GPC6: variants seen among roughly 807,000 people sequenced by gnomAD.
GPC6 encodes glypican-6.
GPC6 carries 14 observed loss-of-function variants against 55.2 expected under a neutral mutation model. That is an observed-to-expected ratio of 0.25 (90% CI 0.17 to 0.40). The LOEUF is 0.40. GPC6 is among the 10% of genes least tolerant of loss of function. The probability of loss-of-function intolerance (pLI) is 1.00; values close to 1 mark genes in which losing one functional copy is unlikely to be tolerated. For missense variants in GPC6, 641 were observed against 708.5 expected, an observed-to-expected ratio of 0.90 and a Z score of 1.08; for synonymous variants, 278 against 259.6, an observed-to-expected ratio of 1.07 and a Z score of -0.68.
At chr13:93,437,893 G>A (rs1467937556) in intron 1 of GPC6, among the ~76,000 whole-genome samples, 1 of 152,122 alleles carries the variant, frequency 6.6e-6, no homozygotes, top group Non-Finnish European at 1.5e-5. Flanking sequence ...TGGCTTCAAA[G>A]CTTCAAAGGA....
chr13:93,508,734 T>A (rs1880828021), intron 1 of GPC6, among the ~76,000 whole-genome samples: 1 of 152,158 alleles, frequency 6.6e-6, no homozygotes, highest in South Asian at 2.1e-4. Flanking sequence ...TAGGCATCAG[T>A]ACAGTCGGAG....
intron 6 of GPC6, among the ~76,000 whole-genome samples, chr13:94,328,737 G>A (rs1253209273): frequency 1.3e-5 from 2 of 152,214 alleles, no homozygotes; most frequent in Non-Finnish European, 2.9e-5. Context: ...AGGAAAGGGG[G>A]CTCATTCCAG....
At chr13:93,668,462 GA>G (rs1295852961) in intron 2 of GPC6, among the ~76,000 whole-genome samples, 1 of 152,184 alleles carries the variant, frequency 6.6e-6, no homozygotes, top group African/African-American at 2.4e-5. Context: ...AGGAACCTAT[GA>G]ATACGACCTT....
chr13:93,684,875 A>T (rs1196566411), intron 2 of GPC6, among the ~76,000 whole-genome samples: 1 of 152,220 alleles, frequency 6.6e-6, no homozygotes, highest in African/African-American at 2.4e-5. Context: ...ATTTATCTGC[A>T]TGTAGGACAA....
At chr13:93,960,056 C>T (rs1879697207) in intron 3 of GPC6, among the ~76,000 whole-genome samples, 1 of 152,212 alleles carries the variant, frequency 6.6e-6, no homozygotes, top group African/African-American at 2.4e-5. Flanking sequence ...TCCACATCTT[C>T]TCAGGAGGTA....
chr13:94,126,883 A>T (rs986171239), intron 4 of GPC6, among the ~76,000 whole-genome samples: 2 of 152,150 alleles, frequency 1.3e-5, no homozygotes, highest in Non-Finnish European at 2.9e-5. Flanking sequence ...GGCAGCCATT[A>T]GCTAGGGACT....
At chr13:93,486,271 T>C (rs1879709173) in intron 1 of GPC6, among the ~76,000 whole-genome samples, 1 of 152,114 alleles carries the variant, frequency 6.6e-6, no homozygotes, top group African/African-American at 2.4e-5. Flanking sequence ...ACAGTGAAGG[T>C]AGATTATATT....
intron 2 of GPC6, among the ~76,000 whole-genome samples, chr13:93,561,250 G>T (rs902828834): frequency 6.6e-6 from 1 of 151,704 alleles, no homozygotes; most frequent in Admixed American, 6.6e-5. Context: ...TAAATTTAAA[G>T]ACTAATTAAT....
intron 2 of GPC6, among the ~76,000 whole-genome samples, chr13:93,804,435 T>C (rs1340353882): frequency 1.3e-5 from 2 of 152,236 alleles, no homozygotes; most frequent in East Asian, 3.8e-4. Flanking sequence ...TACAGCTTCA[T>C]TTCAAGATCC....
At chr13:94,389,373 A>G (rs1432492496) in intron 7 of GPC6, among the ~76,000 whole-genome samples, 3 of 152,012 alleles carry the variant, frequency 2.0e-5, no homozygotes, top group Non-Finnish European at 2.9e-5. Context: ...CTAGAAAAGA[A>G]TGATTAGATA....
intron 2 of GPC6, among the ~76,000 whole-genome samples, chr13:93,579,011 T>A (rs1333783277): frequency 6.6e-6 from 1 of 152,142 alleles, no homozygotes; most frequent in African/African-American, 2.4e-5. Context: ...ACAGAACATA[T>A]TATATGTTCT....
chr13:93,823,163 G>A (rs1015422186), intron 2 of GPC6, among the ~76,000 whole-genome samples: 12 of 151,816 alleles, frequency 7.9e-5, no homozygotes, highest in African/African-American at 2.4e-4. Flanking sequence ...ATGCCTGGCC[G>A]AAAATTACTT....
intron 4 of GPC6, among the ~76,000 whole-genome samples, chr13:94,048,971 C>T (rs1048396976): frequency 4.6e-5 from 7 of 151,964 alleles, no homozygotes. Context: ...CACCATGTGC[C>T]ATGGCTCACC....
intron 4 of GPC6, among the ~76,000 whole-genome samples, chr13:94,128,519 A>G (rs1437904553): frequency 6.6e-6 from 1 of 152,140 alleles, no homozygotes; most frequent in Non-Finnish European, 1.5e-5. Context: ...TTTGGATCCT[A>G]GGTGACATAG....
intron 1 of GPC6, among the ~76,000 whole-genome samples, chr13:93,456,570 T>A (rs931140041): frequency 3.9e-5 from 6 of 151,994 alleles, no homozygotes; most frequent in Non-Finnish European, 8.8e-5. Context: ...GGGCTGTAGT[T>A]ACAAAGAACC....
At chr13:94,119,186 A>G (rs1392167377) in intron 4 of GPC6, among the ~76,000 whole-genome samples, 4 of 152,084 alleles carry the variant, frequency 2.6e-5, no homozygotes, top group African/African-American at 9.7e-5. Context: ...CCACTATTCC[A>G]GGTCGTTGGT....
intron 2 of GPC6, among the ~76,000 whole-genome samples, chr13:93,771,667 A>C (rs891735616): frequency 7.9e-5 from 12 of 152,116 alleles, no homozygotes; most frequent in Non-Finnish European, 1.5e-4. Flanking sequence ...GCACATGTAT[A>C]CATATGTAAC....
intron 3 of GPC6, among the ~76,000 whole-genome samples, chr13:93,910,786 C>T (rs1336517344): frequency 3.3e-5 from 5 of 152,184 alleles, no homozygotes; most frequent in African/African-American, 7.2e-5. Context: ...CCAACCCTGA[C>T]AGTATCAGAA....
At chr13:93,980,331 C>T (rs1032951530) in intron 3 of GPC6, among the ~76,000 whole-genome samples, 2 of 152,092 alleles carry the variant, frequency 1.3e-5, no homozygotes, top group African/African-American at 4.8e-5. Flanking sequence ...GATTAGTTTT[C>T]TTTGTTTTGC....
Sources: gnomAD v4.1 joint callset for allele counts (sites outside exome capture counted in the v4.1 genomes callset) on GRCh38, gnomAD v4.1.1 for gene constraint, MANE v1.5 for transcripts, NCBI Gene and HGNC (gene_info 2026-07-23, HGNC 2026-07-21) for gene names.